Variants in OR4A16 observed in about 807,000 individuals in gnomAD.
The protein encoded by OR4A16 is olfactory receptor family 4 subfamily A member 16.
For missense variants in OR4A16, 594 were observed against 390.9 expected, an observed-to-expected ratio of 1.52 and a Z score of -4.38; for synonymous variants, 210 against 138.6, an observed-to-expected ratio of 1.51 and a Z score of -3.62.
rs767308296 is a variant in OR4A16 at position 55,343,743 on chromosome 11, A to C, written c.543A>C (p.Pro181=). The C allele has an allele frequency of 1.9e-5, 30 of 1,613,820 alleles. 1 individual carries two copies. In the East Asian group the frequency reaches 6.7e-4, roughly 36 times the overall value. Residue 181 remains proline, a synonymous_variant, in exon 1 of 1, where the codon CCA becomes CCC. Coordinates refer to ENST00000314721, the MANE Select transcript of OR4A16 (RefSeq NM_001005274.1). The part of the protein sequence containing the change: ...VIDHSVCDMY[P]LLELLCLDTY... ...ACCACTCTGTCTGTGACATGTACCC[A>C]TTGTTGGAACTGTTGTGCCTTGACA...
rs1853466575 is a variant in OR4A16 at position 55,343,850 on chromosome 11, G to GA, written c.651dup (p.Val218SerfsTer7). ...TTTACCTTTCTGCTAATCTCCTGTGGAGTCATCCTAAACTTCCTTAAAACT... is the reference window on the plus strand; with the variant it reads ...TTTACCTTTCTGCTAATCTCCTGTGGAAGTCATCCTAAACTTCCTTAAAACT... On this transcript the variant is annotated frameshift_variant, in exon 1 of 1. Transcript: ENST00000314721. LOFTEE classifies it low-confidence loss of function (END_TRUNC). 1.2e-6 allele frequency: 2 copies of GA among 1,613,692 alleles called. No individual in the cohort carries two copies. The highest frequency in any genetic ancestry group is 1.7e-6 in the Non-Finnish European group (2 of 1,179,878).
Position 55,343,952 on chromosome 11 carries a change from C to T in OR4A16, c.752C>T (p.Pro251Leu), listed in dbSNP as rs374940663. Residue 251 changes from proline to leucine, a missense_variant, in exon 1 of 1, where the codon CCC becomes CTC. Coordinates refer to ENST00000314721, the MANE Select transcript of OR4A16 (RefSeq NM_001005274.1). ...HIIVVALVFV[P>L]CIFMYVRPVS... ...ATTGTGGTTGCCCTCGTTTTTGTTC[C>T]CTGTATTTTTATGTATGTTAGACCC... 2.5e-6 allele frequency: 4 copies of T among 1,613,618 alleles called. No homozygotes were observed. The highest frequency in any genetic ancestry group is 3.4e-6 in the Non-Finnish European group (4 of 1,179,866).
rs78987961 is a variant in OR4A16, at chr11:55,344,126, A to G, written c.926A>G (p.Lys309Arg). The change falls in exon 1 of 1, where the codon AAA becomes AGA. Residue 309 changes from lysine to arginine, a missense_variant. By Grantham distance (26) the Lys-to-Arg change is conservative. Transcript: ENST00000314721. ...LWCEKLSIVR[K>R]RVSPTLNIFI... Reference sequence around the variant, plus strand: ...TGTGAAAAGTTAAGTATAGTTAGAAAAAGAGTATCTCCCACACTGAACATA... The same window carrying G: ...TGTGAAAAGTTAAGTATAGTTAGAAGAAGAGTATCTCCCACACTGAACATA... The G allele has an allele frequency of 6.3e-7, 1 of 1,598,050 alleles. No individual in the cohort carries two copies. Among genetic ancestry groups the G allele is most frequent in the Admixed American group, 1.7e-5 (1 of 59,442 alleles).
In OR4A16 at chr11:55,343,504, G is replaced by A. The variant is rs1853456319; in HGVS notation, c.304G>A (p.Glu102Lys). The change falls in exon 1 of 1, where the codon GAA (glutamate) becomes AAA (lysine). Residue 102 changes from glutamate (E) to lysine (K), a missense_variant. Coordinates refer to ENST00000314721, the MANE Select transcript of OR4A16 (RefSeq NM_001005274.1). ...AGCTTGCATGGGTCAGCTCTTCATA[G>A]AACACTTACTTGGTGGTGCAGAGGT... Reference protein sequence around the residue: ...LSACMGQLFIEHLLGGAEVFL... With the variant: ...LSACMGQLFIKHLLGGAEVFL... 5 of 1,613,934 alleles carry A rather than the reference G, an allele frequency of 3.1e-6. No individual in the cohort carries two copies. The highest frequency in any genetic ancestry group is 4.2e-6 in the Non-Finnish European group (5 of 1,179,900).
Position 55,343,805 on chromosome 11 carries a change from G to C in OR4A16, c.605G>C (p.Gly202Ala), listed in dbSNP as rs1285879168. The change falls in exon 1 of 1, where the codon GGA becomes GCA. Residue 202 changes from glycine to alanine, a missense_variant. By Grantham distance (60) the Gly-to-Ala change is moderately conservative. Coordinates refer to ENST00000314721, the MANE Select transcript of OR4A16 (RefSeq NM_001005274.1). ...FIGLTVVANG[G>A]IICMVIFTFL... ...GGACTCACTGTGGTTGCCAATGGTGGAATAATTTGTATGGTCATCTTTACC... is the reference window on the plus strand; with the variant it reads ...GGACTCACTGTGGTTGCCAATGGTGCAATAATTTGTATGGTCATCTTTACC... 4 of 1,613,698 alleles carry C rather than the reference G, an allele frequency of 2.5e-6. No individual in the cohort carries two copies. Among genetic ancestry groups the C allele is most frequent in the Admixed American group, 3.3e-5 (2 of 59,948 alleles).
Position 55,343,559 on chromosome 11 carries a change from G to T in OR4A16, c.359G>T (p.Arg120Leu), listed in dbSNP as rs779328620. The change falls in exon 1 of 1, where the codon CGC becomes CTC. Residue 120 changes from arginine (R) to leucine (L), a missense_variant. Transcript: ENST00000314721. ...VFLLVVMAYD[R>L]YVAISKPLHY... ...CTTTTGGTGGTGATGGCCTATGATCGCTATGTGGCTATCTCTAAGCCGCTG... is the reference window on the plus strand; with the variant it reads ...CTTTTGGTGGTGATGGCCTATGATCTCTATGTGGCTATCTCTAAGCCGCTG... 4.3e-6 allele frequency: 7 copies of T among 1,613,752 alleles called. No individual in the cohort carries two copies. Among genetic ancestry groups the T allele is most frequent in the African/African-American group, 4.0e-5 (3 of 74,876 alleles).
chr11:55,344,015 T>A lies in OR4A16; in HGVS notation c.815T>A (p.Phe272Tyr), dbSNP rs927883958. The change falls in exon 1 of 1, where the codon TTT becomes TAT. Residue 272 changes from phenylalanine to tyrosine, a missense_variant. Phe to Tyr is a conservative substitution (Grantham distance 22). Transcript: ENST00000314721. ...CCCTTTGATAAATTAATGACTGTGT[T>A]TTATTCAATTATCACACTCATGTTG... ...NFPFDKLMTV[F>Y]YSIITLMLNP... 7 of 1,612,906 alleles carry A rather than the reference T, an allele frequency of 4.3e-6. No individual in the cohort carries two copies. The highest frequency in any genetic ancestry group is 5.9e-6 in the Non-Finnish European group (7 of 1,179,142).
Position 55,343,629 on chromosome 11 carries a change from G to T in OR4A16, c.429G>T (p.Leu143Phe). The change falls in exon 1 of 1, where the codon TTG becomes TTT. Residue 143 changes from leucine (L) to phenylalanine (F), a missense_variant. Physicochemically the swap from Leu to Phe is conservative, Grantham distance 22. Coordinates refer to ENST00000314721, the MANE Select transcript of OR4A16 (RefSeq NM_001005274.1). ...ATCGACTGGTTTGCATCCTTCTGTT[G>T]GTGGTGGCCATGATTGGAGGTTTTG... The part of the protein sequence containing the change: ...IMNRLVCILL[L>F]VVAMIGGFVH... 6.2e-7 allele frequency: 1 copy of T among 1,613,810 alleles called. No homozygotes were observed. The highest frequency in any genetic ancestry group is 8.5e-7 in the Non-Finnish European group (1 of 1,179,900).
chr11:55,344,134 T>A lies in OR4A16; in HGVS notation c.934T>A (p.Ser312Thr). The change falls in exon 1 of 1, where the codon TCT (serine) becomes ACT (threonine). Residue 312 changes from serine (S) to threonine (T), a missense_variant. Coordinates refer to ENST00000314721, the MANE Select transcript of OR4A16 (RefSeq NM_001005274.1). ...GTTAAGTATAGTTAGAAAAAGAGTATCTCCCACACTGAACATATTTATTCC... is the reference window on the plus strand; with the variant it reads ...GTTAAGTATAGTTAGAAAAAGAGTAACTCCCACACTGAACATATTTATTCC... ...EKLSIVRKRV[S>T]PTLNIFIPSS... 1 of 1,603,928 alleles carries A rather than the reference T, an allele frequency of 6.2e-7. No individual in the cohort carries two copies. The highest frequency in any genetic ancestry group is 1.1e-5 in the South Asian group (1 of 90,772).
Position 55,344,035 on chromosome 11 carries a change from A to G in OR4A16, c.835A>G (p.Met279Val), listed in dbSNP as rs541082757. The G allele has an allele frequency of 5.6e-6, 9 of 1,612,666 alleles. No homozygotes were observed. The South Asian group carries it at 9.9e-5, about 18-fold the overall frequency. ...TGTGTTTTATTCAATTATCACACTC[A>G]TGTTGAATCCTTTAATATACTCGTT... The part of the protein sequence containing the change: ...MTVFYSIITL[M>V]LNPLIYSLRQ... Residue 279 changes from methionine (M) to valine (V), a missense_variant, in exon 1 of 1, where the codon ATG becomes GTG. Met to Val is a conservative substitution (Grantham distance 21). Coordinates refer to ENST00000314721, the MANE Select transcript of OR4A16 (RefSeq NM_001005274.1).
At position 55,343,769 on chromosome 11, in the gene OR4A16, C is replaced by A. The variant is rs1043921938; in HGVS notation, c.569C>A (p.Thr190Asn). The change falls in exon 1 of 1, where the codon ACC (threonine) becomes AAC (asparagine). Residue 190 changes from threonine (T) to asparagine (N), a missense_variant. Transcript: ENST00000314721. The stretch of plus-strand genomic sequence containing the variant: ...TTGTTGGAACTGTTGTGCCTTGACA[C>A]CTACTTTATAGGACTCACTGTGGTT... ...YPLLELLCLDTYFIGLTVVAN... is the reference protein window; with the variant it reads ...YPLLELLCLDNYFIGLTVVAN... 2.5e-6 allele frequency: 4 copies of A among 1,613,710 alleles called. No individual in the cohort carries two copies. The East Asian group carries it at 6.7e-5, about 27-fold the overall frequency.
chr11:55,343,426 T>A lies in OR4A16; in HGVS notation c.226T>A (p.Ser76Thr), dbSNP rs1853454116. 1.2e-6 allele frequency: 2 copies of A among 1,613,796 alleles called. No homozygotes were observed. The highest frequency in any genetic ancestry group is 2.7e-5 in the African/African-American group (2 of 74,914). Residue 76 changes from serine to threonine, a missense_variant, in exon 1 of 1, where the codon TCA becomes ACA. By Grantham distance (58) the Ser-to-Thr change is moderately conservative (BLOSUM62 1). Transcript: ENST00000314721. Reference sequence around the variant, plus strand: ...GGATGCCATATATTCCACTGCCATGTCACCCAAATTGATGATAGACTTACT... The same window carrying A: ...GGATGCCATATATTCCACTGCCATGACACCCAAATTGATGATAGACTTACT... ...LMDAIYSTAM[S>T]PKLMIDLLCD...
At position 55,343,687 on chromosome 11, in the gene OR4A16, A is replaced by G; in HGVS notation, c.487A>G (p.Ser163Gly). The G allele has an allele frequency of 6.2e-7, 1 of 1,613,912 alleles. No homozygotes were observed. The highest frequency in any genetic ancestry group is 8.5e-7 in the Non-Finnish European group (1 of 1,179,912). Reference sequence around the variant, plus strand: ...TGTGGTTCAAATTGTCTTTCTGTACAGTCTACCAATCTGTGGCCCCAATGT... The same window carrying G: ...TGTGGTTCAAATTGTCTTTCTGTACGGTCTACCAATCTGTGGCCCCAATGT... ...HSVVQIVFLY[S>G]LPICGPNVID... is the part of the protein sequence containing the mutation. Residue 163 changes from serine to glycine, a missense_variant, in exon 1 of 1, where the codon AGT becomes GGT. Ser to Gly is a moderately conservative substitution (Grantham distance 56, BLOSUM62 0). Coordinates refer to ENST00000314721, the MANE Select transcript of OR4A16 (RefSeq NM_001005274.1).
At position 55,343,675 on chromosome 11, in the gene OR4A16, G is replaced by T. The variant is rs766145676; in HGVS notation, c.475G>T (p.Val159Phe). 4 of 1,613,880 alleles carry T rather than the reference G, an allele frequency of 2.5e-6. No homozygotes were observed. Among genetic ancestry groups the T allele is most frequent in the East Asian group, 2.2e-5 (1 of 44,814 alleles). ...GGFVHSVVQIVFLYSLPICGP... is the reference protein window; with the variant it reads ...GGFVHSVVQIFFLYSLPICGP... ...TTTTGTGCACTCTGTGGTTCAAATTGTCTTTCTGTACAGTCTACCAATCTG... is the reference window on the plus strand; with the variant it reads ...TTTTGTGCACTCTGTGGTTCAAATTTTCTTTCTGTACAGTCTACCAATCTG... Residue 159 changes from valine (V) to phenylalanine (F), a missense_variant, in exon 1 of 1, where the codon GTC becomes TTC. Val to Phe is a conservative substitution (Grantham distance 50, BLOSUM62 -1). Transcript: ENST00000314721.
At position 55,343,216 on chromosome 11, in the gene OR4A16, A is replaced by G; in HGVS notation, c.16A>G (p.Asn6Asp). 2 of 1,602,042 alleles carry G rather than the reference A, an allele frequency of 1.2e-6. No individual in the cohort carries two copies. Among genetic ancestry groups the G allele is most frequent in the Non-Finnish European group, 1.7e-6 (2 of 1,174,042 alleles). Residue 6 changes from asparagine to aspartate, a missense_variant, in exon 1 of 1, where the codon AAT becomes GAT. Coordinates refer to ENST00000314721, the MANE Select transcript of OR4A16 (RefSeq NM_001005274.1). MRPSS[N>D]VTEFVLLGLT... ...AGAAGAGTAAATGAGACCAAGCAGCAATGTTACAGAATTTGTCCTCCTGGG... is the reference window on the plus strand; with the variant it reads ...AGAAGAGTAAATGAGACCAAGCAGCGATGTTACAGAATTTGTCCTCCTGGG...
In OR4A16 at chr11:55,343,614, T is replaced by G. The variant is rs1478265406; in HGVS notation, c.414T>G (p.Val138=). 2.5e-6 allele frequency: 4 copies of G among 1,613,960 alleles called. No homozygotes were observed. Among genetic ancestry groups the G allele is most frequent in the Non-Finnish European group, 3.4e-6 (4 of 1,179,924 alleles). ...ATTTGAACATCATGAATCGACTGGT[T>G]TGCATCCTTCTGTTGGTGGTGGCCA... The part of the protein sequence containing the change: ...LHYLNIMNRL[V]CILLLVVAMI... Residue 138 remains valine, a synonymous_variant, in exon 1 of 1, where the codon GTT becomes GTG. Transcript: ENST00000314721.
rs1379109168 is a variant in OR4A16 at position 55,343,895 on chromosome 11, AT to A, written c.696del (p.His232GlnfsTer37). Reference protein sequence around the residue: ...FLKTYSQEERHKALPTCISHI... With the variant: ...FLKTYSQEERXKALPTCISHI... ...AAAACTTACAGTCAGGAAGAGAGGC[AT>A]AAAGCCCTGCCTACCTGCATCTCCC... is the stretch of plus-strand genomic sequence containing the variant. On this transcript the variant is annotated frameshift_variant, in exon 1 of 1. Transcript: ENST00000314721. LOFTEE classifies it low-confidence loss of function (END_TRUNC). 2 of 1,613,790 alleles carry A rather than the reference AT, an allele frequency of 1.2e-6. No individual in the cohort carries two copies. Among genetic ancestry groups the A allele is most frequent in the South Asian group, 2.2e-5 (2 of 91,076 alleles).
In OR4A16 at chr11:55,343,514, T is replaced by A. The variant is rs1853456776; in HGVS notation, c.314T>A (p.Leu105His). 2 of 1,613,940 alleles carry A rather than the reference T, an allele frequency of 1.2e-6. No homozygotes were observed. The highest frequency in any genetic ancestry group is 1.7e-6 in the Non-Finnish European group (2 of 1,179,906). The change falls in exon 1 of 1, where the codon CTT (leucine) becomes CAT (histidine). Residue 105 changes from leucine to histidine, a missense_variant. Leu to His is a moderately conservative substitution (Grantham distance 99). Transcript: ENST00000314721. ...CMGQLFIEHL[L>H]GGAEVFLLVV... ...GGTCAGCTCTTCATAGAACACTTAC[T>A]TGGTGGTGCAGAGGTCTTCCTTTTG...
At position 55,343,536 on chromosome 11, in the gene OR4A16, T is replaced by C; in HGVS notation, c.336T>C (p.Leu112=). The C allele has an allele frequency of 6.2e-7, 1 of 1,613,938 alleles. No individual in the cohort carries two copies. Among genetic ancestry groups the C allele is most frequent in the Non-Finnish European group, 8.5e-7 (1 of 1,179,908 alleles). ...TACTTGGTGGTGCAGAGGTCTTCCT[T>C]TTGGTGGTGATGGCCTATGATCGCT... The part of the protein sequence containing the change: ...EHLLGGAEVF[L]LVVMAYDRYV... Residue 112 remains leucine, a synonymous_variant, in exon 1 of 1, where the codon CTT becomes CTC. Coordinates refer to ENST00000314721, the MANE Select transcript of OR4A16 (RefSeq NM_001005274.1).
Sources: gnomAD v4.1 joint callset for allele counts on GRCh38, gnomAD v4.1.1 for gene constraint, MANE v1.5 for transcripts, NCBI Gene and HGNC (gene_info 2026-07-23, HGNC 2026-07-21) for gene names.